Variants in SLC1A1 observed in about 807,000 individuals in gnomAD.
SLC1A1 encodes excitatory amino acid transporter 3.
Under a neutral mutation model 53.3 loss-of-function variants are expected in SLC1A1, and 43 were observed. The observed-to-expected ratio is 0.81, with a 90% CI of 0.63 to 1.04. The LOEUF (loss-of-function observed/expected upper bound fraction) is 1.04, where lower values mean the gene tolerates loss of function less well. Among genes scored for constraint, SLC1A1 ranks in the 50% least tolerant of loss-of-function variants. The pLI is 0.00. For synonymous variants in SLC1A1, 307 were observed against 243.2 expected (o/e 1.26, Z -2.44); for missense variants, 748 against 664.9 (o/e 1.12, Z -1.37).
At chr9:4,565,616 A>G (rs549712833) in intron 4 of SLC1A1, among the ~76,000 whole-genome samples, 10 of 152,316 alleles carry the variant, frequency 6.6e-5, no homozygotes, top group African/African-American at 1.9e-4. Flanking sequence ...ACCACCCCCC[A>G]TGATCCAATC....
At position 4,576,671 on chromosome 9, in the gene SLC1A1, G is replaced by T; in HGVS notation, c.1101G>T (p.Met367Ile). The T allele has an allele frequency of 6.2e-7, 1 of 1,614,134 alleles. No homozygotes were observed. The highest frequency in any genetic ancestry group is 8.5e-7 in the Non-Finnish European group (1 of 1,179,988). The change falls in exon 10 of 12, where the codon ATG becomes ATT. Residue 367 changes from methionine to isoleucine, a missense_variant. Physicochemically the swap from Met to Ile is conservative, Grantham distance 10. Transcript: ENST00000262352. ...TACCCGTTGGTGCAACAATCAACAT[G>T]GATGGGACTGCGCTCTATGAAGCAG... The part of the protein sequence containing the change: ...FVLPVGATIN[M>I]DGTALYEAVA...
At chr9:4,492,766 AG>A (rs1820280827) in intron 1 of SLC1A1, among the ~76,000 whole-genome samples, 2 of 152,080 alleles carry the variant, frequency 1.3e-5, no homozygotes, top group Admixed American at 6.5e-5. Context: ...TCTGCACTCC[AG>A]CCTGGGCAAC....
chr9:4,494,708 C>T (rs551032888), intron 1 of SLC1A1, among the ~76,000 whole-genome samples: 1 of 151,762 alleles, frequency 6.6e-6, no homozygotes, highest in Non-Finnish European at 1.5e-5. Context: ...GTTTTATGCT[C>T]TAAGTGGGAA....
chr9:4,533,774 C>A (rs961690209), intron 1 of SLC1A1, among the ~76,000 whole-genome samples: 2 of 151,980 alleles, frequency 1.3e-5, no homozygotes, highest in Admixed American at 6.6e-5. Flanking sequence ...CTTCTCAGCA[C>A]CACACCTATT....
chr9:4,520,643 C>T (rs1457909230), intron 1 of SLC1A1, among the ~76,000 whole-genome samples: 1 of 152,086 alleles, frequency 6.6e-6, no homozygotes, highest in East Asian at 1.9e-4. Flanking sequence ...GATAGAGATA[C>T]AATATTTTGT....
At chr9:4,560,874 T>C (rs1228476013) in intron 2 of SLC1A1, among the ~76,000 whole-genome samples, 1 of 152,022 alleles carries the variant, frequency 6.6e-6, no homozygotes, top group Non-Finnish European at 1.5e-5. Flanking sequence ...TGTGCACCTG[T>C]AATCCCAGCT....
At chr9:4,544,131 G>C (rs937127644) in intron 1 of SLC1A1, among the ~76,000 whole-genome samples, 1 of 152,248 alleles carries the variant, frequency 6.6e-6, no homozygotes, top group South Asian at 2.1e-4. Flanking sequence ...AGCCGAGATG[G>C]TACCACTGTA....
At position 4,513,007 on chromosome 9, in the gene SLC1A1, C is replaced by G. The variant is rs1032788655; in HGVS notation, c.91+22237C>G. On this transcript the variant is annotated intron_variant, in intron 1 of 11. Transcript: ENST00000262352. ...GTCTTTCCAACAAATGGTATTGGAA[C>G]AACTAGACATCATATGCAGAAAAAA... Among the ~76,000 whole-genome samples the G allele has an allele frequency of 3.3e-5, 5 of 151,872 alleles. No individual in the cohort carries two copies. In the East Asian group the frequency reaches 9.6e-4, roughly 29 times the overall value.
intron 1 of SLC1A1, among the ~76,000 whole-genome samples, chr9:4,525,434 G>C (rs1816223950): frequency 6.6e-6 from 1 of 152,088 alleles, no homozygotes; most frequent in Non-Finnish European, 1.5e-5. Context: ...CCTGTAGGTA[G>C]ACTTTCACAA....
chr9:4,583,882 T>TCTCTCTCTCTCACACACA lies in SLC1A1; in HGVS notation c.1328+711_1328+712insTCTCTCTCTCACACACAC, dbSNP rs1423949414. Among the ~76,000 whole-genome samples, 1 of 136,962 alleles carries TCTCTCTCTCTCACACACA rather than the reference T, an allele frequency of 7.3e-6. No homozygotes were observed. The allele number at this position is 136,962 out of a possible 152,430, so 89.9% of individuals were successfully genotyped here. On this transcript the variant is annotated intron_variant, in intron 11 of 11. Coordinates refer to ENST00000262352, the MANE Select transcript of SLC1A1 (RefSeq NM_004170.6). This position sits in a 1 kb window ranked among gnomAD's most constrained non-coding sequence, Gnocchi z 4.6. ...CTCTCTCTCTCTCTCTCTCTCTCTC[T>TCTCTCTCTCTCACACACA]CACACACACACACACACACACACAC...
At chr9:4,502,683 A>T (rs889685847) in intron 1 of SLC1A1, among the ~76,000 whole-genome samples, 1 of 151,726 alleles carries the variant, frequency 6.6e-6, no homozygotes, top group East Asian at 1.9e-4. Flanking sequence ...TCTGATTCCA[A>T]AGCTTAGGTT....
chr9:4,525,404 T>A (rs1028592920), intron 1 of SLC1A1, among the ~76,000 whole-genome samples: 10 of 151,834 alleles, frequency 6.6e-5, no homozygotes, highest in African/African-American at 2.4e-4. Flanking sequence ...AACTCCTAAG[T>A]CCCCAGAAAA....
At chr9:4,529,556 A>G (rs1269378490) in intron 1 of SLC1A1, among the ~76,000 whole-genome samples, 1 of 152,174 alleles carries the variant, frequency 6.6e-6, no homozygotes, top group African/African-American at 2.4e-5. Context: ...TAAGTGTTTG[A>G]TGTGTATTTA....
chr9:4,564,481 G>T, intron 4 of SLC1A1, 23 bp downstream of exon 4: 1 of 1,437,550 alleles, frequency 7.0e-7, no homozygotes. Flanking sequence ...CCACAAGGTG[G>T]CTTCAAGGGC....
chr9:4,512,146 T>A (rs940491507), intron 1 of SLC1A1, among the ~76,000 whole-genome samples: 2 of 152,234 alleles, frequency 1.3e-5, no homozygotes, highest in Admixed American at 1.3e-4. Context: ...ATAATTGATG[T>A]ATAGATTTAA....
intron 3 of SLC1A1, among the ~76,000 whole-genome samples, chr9:4,563,914 C>G (rs1478742743): frequency 6.6e-6 from 1 of 151,078 alleles, no homozygotes; most frequent in African/African-American, 2.5e-5. Flanking sequence ...AGGAGAATAA[C>G]CAGCATCTGG....
chr9:4,514,288 C>T (rs1478171173), intron 1 of SLC1A1, among the ~76,000 whole-genome samples: 1 of 152,174 alleles, frequency 6.6e-6, no homozygotes, highest in East Asian at 1.9e-4. Context: ...TGGGGAATTC[C>T]TGTTTTCTAC....
rs188370237 is a variant in SLC1A1 at position 4,577,416 on chromosome 9, C to G, written c.1193+653C>G. The stretch of plus-strand genomic sequence containing the variant: ...GGGTCATGTCATGAAAGGTTTTGTA[C>G]GAAGAGCTTGTGGAAAGCTCTTAGA... On this transcript the variant is annotated intron_variant, in intron 10 of 11. Coordinates refer to ENST00000262352, the MANE Select transcript of SLC1A1 (RefSeq NM_004170.6). Among the ~76,000 whole-genome samples the G allele has an allele frequency of 1.0e-3, 158 of 152,256 alleles. 1 individual carries two copies. Among genetic ancestry groups the G allele is most frequent in the Middle Eastern group, 3.4e-3 (1 of 294 alleles).
rs554916480 is a variant in SLC1A1, at chr9:4,576,840, C to A, written c.1193+77C>A. ...AGTAAAAATTGTCCATGAAGGGACA[C>A]CAAGAATGTCGCAGTGATGAATTCT... is the stretch of plus-strand genomic sequence containing the variant. On this transcript the variant is annotated intron_variant, in intron 10 of 11. Transcript: ENST00000262352. 3.2e-6 allele frequency: 4 copies of A among 1,251,894 alleles called. No homozygotes were observed. In the African/African-American group the frequency reaches 4.4e-5, roughly 14 times the overall value. The allele number at this position is 1,251,894 out of a possible 1,614,324, so 77.5% of individuals were successfully genotyped here.
Sources: gnomAD v4.1 joint callset for allele counts (sites outside exome capture counted in the v4.1 genomes callset) on GRCh38, gnomAD v4.1.1 for gene constraint, Gnocchi (gnomAD v3.1) non-coding constraint, MANE v1.5 for transcripts, NCBI Gene and HGNC (gene_info 2026-07-23, HGNC 2026-07-21) for gene names.